The following KCNU1 variants were observed in gnomAD, a reference collection of about 807,000 sequenced individuals.
KCNU1 encodes potassium calcium-activated channel subfamily U member 1, also known as potassium channel subfamily U member 1.
KCNU1 carries 93 observed loss-of-function variants against 126.8 expected under a neutral mutation model. The ratio of observed to expected loss-of-function variants is 0.73; its 90% CI spans 0.62 to 0.87. The LOEUF is 0.87. Ranked by LOEUF, KCNU1 falls within the 40% of genes least tolerant of loss-of-function variation. KCNU1 has a pLI of 0.00. For synonymous variants in KCNU1, 523 were observed against 494.2 expected (o/e 1.06, Z -0.77); for missense variants, 1,330 against 1,367.1 (o/e 0.97, Z 0.43).
At chr8:36,889,227 G>C (rs756864480) in intron 19 of KCNU1, 12 of 534,460 alleles carry the variant, frequency 2.2e-5, no homozygotes, top group South Asian at 1.5e-4. Flanking sequence ...TGGCATGGTT[G>C]CTCTGCTGAA....
At chr8:36,841,034 GTTTTTTTT>G (rs756308750) in intron 16 of KCNU1, 31 bp downstream of exon 16, 39 of 564,648 alleles carry the variant, frequency 6.9e-5, no homozygotes, top group Middle Eastern at 3.6e-4. Context: ...CTCTTCAGTT[GTTTTTTTT>G]TTTTTTTTTT....
In KCNU1 at chr8:36,890,411, A is replaced by T. The variant is rs569394770; in HGVS notation, c.2010-15297A>T. On this transcript the variant is annotated intron_variant, in intron 19 of 26. Transcript: ENST00000399881. ...TACTCTGCAATAAGCTACATGCACT[A>T]TACATTAGGCAGTGTAGTGTTTTTC... 2.1e-4 allele frequency among the ~76,000 whole-genome samples: 32 copies of T among 152,166 alleles called. No homozygotes were observed. The South Asian group carries it at 4.8e-3, about 23-fold the overall frequency.
At chr8:36,790,774 A>G (rs973636736) in intron 2 of KCNU1, among the ~76,000 whole-genome samples, 6 of 152,134 alleles carry the variant, frequency 3.9e-5, no homozygotes, top group Non-Finnish European at 4.4e-5. Flanking sequence ...CTCAAGGAAT[A>G]GATATCTCTA....
chr8:36,855,140 G>T (rs1380954041), intron 18 of KCNU1, among the ~76,000 whole-genome samples: 2 of 152,060 alleles, frequency 1.3e-5, no homozygotes, highest in African/African-American at 4.8e-5. Flanking sequence ...AGGCCTTTCT[G>T]CTTATGCATA....
At chr8:36,835,224 A>G (rs1408052476) in intron 12 of KCNU1, among the ~76,000 whole-genome samples, 4 of 152,072 alleles carry the variant, frequency 2.6e-5, no homozygotes, top group Non-Finnish European at 5.9e-5. Context: ...AATTTTATGA[A>G]CCCTATTAGT....
chr8:36,930,831 G>A (rs1442549807), intron 24 of KCNU1, 120 bp from the exon 25 acceptor site: 5 of 635,832 alleles, frequency 7.9e-6, no homozygotes, highest in Non-Finnish European at 1.0e-5. Flanking sequence ...GAGAAACACT[G>A]TTCTACACCA....
intron 18 of KCNU1, among the ~76,000 whole-genome samples, chr8:36,851,733 T>C (rs1805356233): frequency 6.6e-6 from 1 of 152,322 alleles, no homozygotes; most frequent in African/African-American, 2.4e-5. Context: ...TAAATAAAAT[T>C]GTTTTTTAGC....
rs185215022 is a variant in KCNU1, at chr8:36,787,342, G to C, written c.232G>C (p.Val78Leu). ...ATCAGGTACCATCGCTAGGAGCCAT[G>C]TAAGAAGCCTCCACTTCCAGGGACA... ...FTSGTIARSH[V>L]RSLHFQGQFR... The change falls in exon 2 of 27, where the codon GTA (valine) becomes CTA (leucine). Residue 78 changes from valine (V) to leucine (L), a missense_variant. Coordinates refer to ENST00000399881, the MANE Select transcript of KCNU1 (RefSeq NM_001031836.3). 1 of 1,612,136 alleles carries C rather than the reference G, an allele frequency of 6.2e-7. No homozygotes were observed. The highest frequency in any genetic ancestry group is 1.3e-5 in the African/African-American group (1 of 75,006).
intron 26 of KCNU1, 36 bp from the exon 27 acceptor site, chr8:36,935,479 C>T: frequency 1.3e-6 from 2 of 1,533,858 alleles, no homozygotes; most frequent in South Asian, 1.3e-5. Flanking sequence ...TGGCCAGCTG[C>T]AGAACCTCAG....
chr8:36,844,396 A>T (rs12548104), intron 16 of KCNU1, among the ~76,000 whole-genome samples: 4 of 151,958 alleles, frequency 2.6e-5, no homozygotes, highest in Non-Finnish European at 2.9e-5. Flanking sequence ...AAAACAAAAA[A>T]AAAAGGCTAT....
At chr8:36,851,606 C>T (rs1334184302) in intron 18 of KCNU1, among the ~76,000 whole-genome samples, 1 of 152,114 alleles carries the variant, frequency 6.6e-6, no homozygotes, top group Non-Finnish European at 1.5e-5. Flanking sequence ...ATGATGTCTT[C>T]ATATCTACTT....
At chr8:36,895,524 A>G (rs187484714) in intron 19 of KCNU1, among the ~76,000 whole-genome samples, 4 of 152,248 alleles carry the variant, frequency 2.6e-5, no homozygotes, top group Admixed American at 2.6e-4. Flanking sequence ...ACAAATTTAA[A>G]CTTGAAAGTC....
At chr8:36,801,987 T>C (rs1404451991) in intron 2 of KCNU1, among the ~76,000 whole-genome samples, 1 of 151,204 alleles carries the variant, frequency 6.6e-6, no homozygotes, top group Non-Finnish European at 1.5e-5. Flanking sequence ...CGAGTGCCTG[T>C]AATCCCAGCT....
At chr8:36,876,639 A>G (rs1283494578) in intron 19 of KCNU1, among the ~76,000 whole-genome samples, 1 of 152,136 alleles carries the variant, frequency 6.6e-6, no homozygotes, top group African/African-American at 2.4e-5. Flanking sequence ...CGCTGCCTCA[A>G]GTTCTCCTCC....
At chr8:36,825,952 A>G (rs1457490277) in intron 10 of KCNU1, among the ~76,000 whole-genome samples, 1 of 152,002 alleles carries the variant, frequency 6.6e-6, no homozygotes, top group East Asian at 1.9e-4. Context: ...CATACATTTT[A>G]CTTAATATGG....
rs544776672 is a variant in KCNU1 at position 36,903,600 on chromosome 8, T to C, written c.2010-2108T>C. Among the ~76,000 whole-genome samples, 66 of 152,318 alleles carry C rather than the reference T, an allele frequency of 4.3e-4. 2 individuals are homozygous for C. In the South Asian group the frequency reaches 0.013, roughly 30 times the overall value. On this transcript the variant is annotated intron_variant, in intron 19 of 26. Transcript: ENST00000399881. Reference sequence around the variant, plus strand: ...AGATAAGTTGTGAAACACTGGATTATACAATTTTTAAAGGATTTCTATATT... The same window carrying C: ...AGATAAGTTGTGAAACACTGGATTACACAATTTTTAAAGGATTTCTATATT...
chr8:36,854,254 A>C (rs552754677), intron 18 of KCNU1, among the ~76,000 whole-genome samples: 1 of 152,080 alleles, frequency 6.6e-6, no homozygotes, highest in South Asian at 2.1e-4. Context: ...GTGTAGATTA[A>C]TGTTTTTCAA....
At position 36,860,477 on chromosome 8, in the gene KCNU1, T is replaced by C. The variant is rs990128709; in HGVS notation, c.1892-3927T>C. On this transcript the variant is annotated intron_variant, in intron 18 of 26. Transcript: ENST00000399881. ...CTTTCTGACCTTCTTCTTAATGGAA[T>C]TAGATAAGTTTTTGGGCATGAAGTT... is the stretch of plus-strand genomic sequence containing the variant. Among the ~76,000 whole-genome samples, 12 of 152,280 alleles carry C rather than the reference T, an allele frequency of 7.9e-5. No individual in the cohort carries two copies. The East Asian group carries it at 2.1e-3, about 27-fold the overall frequency.
At chr8:36,842,313 G>C (rs969935454) in intron 16 of KCNU1, among the ~76,000 whole-genome samples, 3 of 152,168 alleles carry the variant, frequency 2.0e-5, no homozygotes, top group Non-Finnish European at 2.9e-5. Flanking sequence ...GAAAAGTTGG[G>C]AAAGCATCAA....
Sources: allele counts gnomAD v4.1 joint callset (sites outside exome capture counted in the v4.1 genomes callset), GRCh38; gene constraint gnomAD v4.1.1; transcripts MANE v1.5; gene names NCBI Gene and HGNC (gene_info 2026-07-23, HGNC 2026-07-21).